The following DACH1 variants were observed in gnomAD, a reference collection of about 807,000 sequenced individuals.
The protein encoded by DACH1 is dachshund homolog 1.
In DACH1, 12 loss-of-function variants were observed where a neutral mutation model predicts 54.2. The observed-to-expected ratio is 0.22, with a 90% confidence interval of 0.14 to 0.36. The LOEUF (loss-of-function observed/expected upper bound fraction) is 0.36. DACH1 is among the 10% of genes least tolerant of loss of function. The pLI, the probability that DACH1 is intolerant of heterozygous loss-of-function variation, is 1.00. For missense variants in DACH1, 805 were observed against 929.8 expected, an observed-to-expected ratio of 0.87 and a Z score of 1.75; for synonymous variants, 386 against 366.2, an observed-to-expected ratio of 1.05 and a Z score of -0.62.
At chr13:71,732,828 G>T (rs567725611) in intron 1 of DACH1, among the ~76,000 whole-genome samples, 1 of 152,218 alleles carries the variant, frequency 6.6e-6, no homozygotes, top group African/African-American at 2.4e-5. Context: ...ACCGTCTCTA[G>T]AAACAGTTTG....
chr13:71,699,814 A>T (rs1040364161), intron 1 of DACH1, among the ~76,000 whole-genome samples: 1 of 152,200 alleles, frequency 6.6e-6, no homozygotes, highest in African/African-American at 2.4e-5. Context: ...GAAATATCAA[A>T]ACTTGTATCA....
chr13:71,476,342 G>A (rs1429089534), intron 8 of DACH1, among the ~76,000 whole-genome samples: 1 of 152,056 alleles, frequency 6.6e-6, no homozygotes, highest in Non-Finnish European at 1.5e-5. Context: ...GACCAACTCA[G>A]TTTTTAATAA....
intron 2 of DACH1, among the ~76,000 whole-genome samples, chr13:71,672,864 T>C (rs1265659842): frequency 6.6e-6 from 1 of 152,190 alleles, no homozygotes; most frequent in Non-Finnish European, 1.5e-5. Context: ...AGGTAATCTA[T>C]ACAATGTCCA....
At chr13:71,448,592 G>C (rs1020349374) in intron 10 of DACH1, among the ~76,000 whole-genome samples, 9 of 152,112 alleles carry the variant, frequency 5.9e-5, no homozygotes, top group African/African-American at 1.9e-4. Flanking sequence ...TACTGCTAAA[G>C]CAAGAAAGCA....
chr13:71,841,884 T>C (rs1053492258), intron 1 of DACH1, among the ~76,000 whole-genome samples: 3 of 152,204 alleles, frequency 2.0e-5, no homozygotes, highest in African/African-American at 7.2e-5. Flanking sequence ...AACTTCTACA[T>C]AGTTTACAAA....
At chr13:71,530,979 C>T (rs184055919) in intron 6 of DACH1, among the ~76,000 whole-genome samples, 4 of 151,924 alleles carry the variant, frequency 2.6e-5, no homozygotes, top group East Asian at 1.9e-4. Flanking sequence ...TTATGATCAA[C>T]GTAAGGGATG....
intron 1 of DACH1, among the ~76,000 whole-genome samples, chr13:71,795,959 A>G (rs191864061): frequency 1.3e-5 from 2 of 152,292 alleles, no homozygotes; most frequent in African/African-American, 4.8e-5. Flanking sequence ...CGAAAAATAT[A>G]TCTAAGAGAG....
chr13:71,769,837 G>T (rs1158099121), intron 1 of DACH1, among the ~76,000 whole-genome samples: 1 of 151,510 alleles, frequency 6.6e-6, no homozygotes, highest in East Asian at 1.9e-4. Flanking sequence ...ATGATCTTAT[G>T]CATAAAAACC....
intron 1 of DACH1, among the ~76,000 whole-genome samples, chr13:71,796,371 T>TA (rs1299518705): frequency 2.0e-5 from 3 of 152,118 alleles, no homozygotes; most frequent in African/African-American, 7.2e-5. Context: ...ATAGCTATTA[T>TA]AAAAATCTTA....
chr13:71,828,719 C>T (rs1242025542), intron 1 of DACH1, among the ~76,000 whole-genome samples: 1 of 151,930 alleles, frequency 6.6e-6, no homozygotes, highest in Non-Finnish European at 1.5e-5. Flanking sequence ...CATGGTGCCT[C>T]TGTGGTTTGA....
intron 1 of DACH1, among the ~76,000 whole-genome samples, chr13:71,693,469 A>ATTTTTTTTTTTTTT (rs748598587): frequency 6.7e-5 from 8 of 119,298 alleles, no homozygotes; most frequent in African/African-American, 2.1e-4. Context: ...CGCCCGGCAA[A>ATTTTTTTTTTTTTT]TTTTTTTTTT....
chr13:71,730,397 A>C (rs1297762434), intron 1 of DACH1, among the ~76,000 whole-genome samples: 1 of 152,176 alleles, frequency 6.6e-6, no homozygotes, highest in African/African-American at 2.4e-5. Flanking sequence ...ACAGAGAAGC[A>C]ATAAAAAGTT....
intron 6 of DACH1, among the ~76,000 whole-genome samples, chr13:71,501,056 T>C (rs1271205756): frequency 6.6e-6 from 1 of 152,198 alleles, no homozygotes; most frequent in Non-Finnish European, 1.5e-5. Flanking sequence ...CACCTATGAC[T>C]GTAAAAGCCC....
At chr13:71,453,672 C>T (rs556788783) in intron 10 of DACH1, among the ~76,000 whole-genome samples, 2 of 152,140 alleles carry the variant, frequency 1.3e-5, no homozygotes, top group South Asian at 4.1e-4. Context: ...TTTTAATAAA[C>T]ATTATACTTG....
At chr13:71,509,399 GA>G (rs1041318891) in intron 6 of DACH1, among the ~76,000 whole-genome samples, 1 of 151,982 alleles carries the variant, frequency 6.6e-6, no homozygotes, top group Non-Finnish European at 1.5e-5. Context: ...ATAACTAGTA[GA>G]AAAAATTAGG....
chr13:71,714,835 C>T (rs892455863), intron 1 of DACH1, among the ~76,000 whole-genome samples: 1 of 151,940 alleles, frequency 6.6e-6, no homozygotes, highest in Non-Finnish European at 1.5e-5. Context: ...GAAAGAAGAT[C>T]ATGAAGCCAA....
intron 1 of DACH1, among the ~76,000 whole-genome samples, chr13:71,793,110 C>T (rs1566503688): frequency 6.6e-6 from 1 of 152,076 alleles, no homozygotes; most frequent in Non-Finnish European, 1.5e-5. Context: ...GAAATAATGA[C>T]AATCATAACA....
intron 6 of DACH1, among the ~76,000 whole-genome samples, chr13:71,518,277 C>T (rs1177869990): frequency 1.3e-5 from 2 of 151,572 alleles, no homozygotes; most frequent in Non-Finnish European, 2.9e-5. Flanking sequence ...GGTACATGCA[C>T]AGAGGAAAGG....
At chr13:71,518,901 T>TA (rs1464786195) in intron 6 of DACH1, among the ~76,000 whole-genome samples, 1 of 151,688 alleles carries the variant, frequency 6.6e-6, no homozygotes, top group African/African-American at 2.4e-5. Flanking sequence ...AAAAATAAAA[T>TA]AAAAAGAAGA....
Sources: allele counts gnomAD v4.1 joint callset (sites outside exome capture counted in the v4.1 genomes callset), GRCh38; gene constraint gnomAD v4.1.1; transcripts MANE v1.5; gene names NCBI Gene and HGNC (gene_info 2026-07-23, HGNC 2026-07-21).